The following ESRRG variants were observed in gnomAD, a reference collection of about 807,000 sequenced individuals.
ESRRG encodes estrogen related receptor gamma, also known as estrogen-related receptor gamma.
ESRRG carries 13 observed loss-of-function variants against 44.0 expected under a neutral mutation model. The ratio of observed to expected loss-of-function variants is 0.30; its 90% CI spans 0.19 to 0.47. The LOEUF (loss-of-function observed/expected upper bound fraction) is 0.47, where lower values mean the gene tolerates loss of function less well. Among genes scored for constraint, ESRRG ranks in the 20% least tolerant of loss-of-function variants. The pLI is 1.00. For synonymous variants in ESRRG, 215 were observed against 214.6 expected (o/e 1.00, Z -0.02); for missense variants, 395 against 580.6 (o/e 0.68, Z 3.29).
chr1:216,845,257 TG>T (rs2148916903), intron 2 of ESRRG, among the ~76,000 whole-genome samples: 1 of 152,296 alleles, frequency 6.6e-6, no homozygotes, highest in South Asian at 2.1e-4. Context: ...GCACTTGGCA[TG>T]TAGAAGGAGT....
intron 1 of ESRRG, among the ~76,000 whole-genome samples, chr1:217,061,074 A>C (rs1033300658): frequency 9.2e-5 from 14 of 151,916 alleles, no homozygotes; most frequent in Non-Finnish European, 1.3e-4. Flanking sequence ...TTTTCCCCCC[A>C]AAAAAAGTCT....
intron 1 of ESRRG, among the ~76,000 whole-genome samples, chr1:217,044,548 C>G (rs183662636): frequency 6.6e-6 from 1 of 152,270 alleles, no homozygotes; most frequent in Non-Finnish European, 1.5e-5. Context: ...CACCTTCACT[C>G]CCTATGCTGA....
intron 1 of ESRRG, among the ~76,000 whole-genome samples, chr1:216,705,206 T>C (rs1164408634): frequency 6.6e-6 from 1 of 152,164 alleles, no homozygotes; most frequent in Non-Finnish European, 1.5e-5. Flanking sequence ...TTTAAGACTT[T>C]CATTTAATAG....
chr1:216,850,757 G>GA, intron 2 of ESRRG, among the ~76,000 whole-genome samples: 1 of 151,784 alleles, frequency 6.6e-6, no homozygotes, highest in Admixed American at 6.6e-5. Flanking sequence ...TTTACAAAAT[G>GA]GAAATAAGAT....
rs1402725148 is a variant in ESRRG, at chr1:216,946,090, A to AT, written c.-105-6418dup. On this transcript the variant is annotated intron_variant, in intron 1 of 7. Transcript: ENST00000359162. The stretch of plus-strand genomic sequence containing the variant: ...AGAAACCTCAGTACCTAAGTCTGTC[A>AT]TTACCAGTTTTAGTACTTTCCAAAA... 3.9e-5 allele frequency among the ~76,000 whole-genome samples: 6 copies of AT among 152,352 alleles called. No homozygotes were observed. The South Asian group carries it at 1.0e-3, about 26-fold the overall frequency.
chr1:216,971,733 A>C (rs944061058), intron 1 of ESRRG, among the ~76,000 whole-genome samples: 2 of 152,214 alleles, frequency 1.3e-5, no homozygotes, highest in African/African-American at 4.8e-5. Flanking sequence ...AATGAGACTG[A>C]ACTAAATTGA....
intron 2 of ESRRG, among the ~76,000 whole-genome samples, chr1:216,743,244 T>C (rs922621592): frequency 6.6e-6 from 1 of 152,142 alleles, no homozygotes; most frequent in Admixed American, 6.5e-5. Flanking sequence ...AGAAAAGCCA[T>C]TGAGTAGAGA....
intron 5 of ESRRG, among the ~76,000 whole-genome samples, chr1:216,552,226 T>C (rs559528190): frequency 3.3e-5 from 5 of 152,000 alleles, no homozygotes; most frequent in African/African-American, 1.2e-4. Context: ...TAAAATGTGA[T>C]ATAATATAGG....
At chr1:216,805,925 C>A (rs915326391) in intron 2 of ESRRG, among the ~76,000 whole-genome samples, 5 of 152,228 alleles carry the variant, frequency 3.3e-5, no homozygotes, top group Admixed American at 2.6e-4. Flanking sequence ...GACTAGAAGG[C>A]TGTTATAACT....
chr1:216,763,167 A>G (rs1207730427), intron 2 of ESRRG, among the ~76,000 whole-genome samples: 1 of 152,090 alleles, frequency 6.6e-6, no homozygotes, highest in African/African-American at 2.4e-5. Context: ...CATTTCCTCA[A>G]TTCTACATTT....
At chr1:217,052,736 G>A (rs2086275202) in intron 1 of ESRRG, among the ~76,000 whole-genome samples, 1 of 152,084 alleles carries the variant, frequency 6.6e-6, no homozygotes, top group Non-Finnish European at 1.5e-5. Flanking sequence ...TTGGGGTGAG[G>A]GATAATGAGG....
chr1:216,767,477 G>C (rs975403197), intron 2 of ESRRG, among the ~76,000 whole-genome samples: 1 of 152,096 alleles, frequency 6.6e-6, no homozygotes, highest in African/African-American at 2.4e-5. Flanking sequence ...TGGATAACAA[G>C]ATACTGAGTT....
intron 2 of ESRRG, among the ~76,000 whole-genome samples, chr1:216,846,723 A>G (rs1039697227): frequency 2.6e-5 from 4 of 152,096 alleles, no homozygotes; most frequent in Non-Finnish European, 2.9e-5. Flanking sequence ...TTGATTTTTC[A>G]CAATAACAAA....
At chr1:216,714,681 C>T (rs1416797415) in intron 1 of ESRRG, 3 of 364,496 alleles carry the variant, frequency 8.2e-6, no homozygotes, top group African/African-American at 4.4e-5. Context: ...AGTTTTTAAC[C>T]TCTTATTATT....
At chr1:216,795,632 C>A (rs1199294080) in intron 2 of ESRRG, among the ~76,000 whole-genome samples, 1 of 151,956 alleles carries the variant, frequency 6.6e-6, no homozygotes, top group Non-Finnish European at 1.5e-5. Context: ...CACGCCACTG[C>A]ACCTGGCCTC....
chr1:216,837,175 C>G (rs1025007695), intron 2 of ESRRG, among the ~76,000 whole-genome samples: 1 of 151,574 alleles, frequency 6.6e-6, no homozygotes, highest in African/African-American at 2.4e-5. Flanking sequence ...TTTGGGAGGC[C>G]GAGGCGGGCA....
intron 1 of ESRRG, among the ~76,000 whole-genome samples, chr1:217,063,583 A>G (rs899316673): frequency 2.0e-5 from 3 of 152,196 alleles, no homozygotes; most frequent in Admixed American, 6.5e-5. Flanking sequence ...ACAGGCTCAA[A>G]GACAGACTCC....
chr1:216,976,341 C>A (rs926331088), intron 1 of ESRRG, among the ~76,000 whole-genome samples: 3 of 149,158 alleles, frequency 2.0e-5, no homozygotes, highest in South Asian at 2.1e-4. Context: ...AATGATTACT[C>A]CTCTTCCCTC....
intron 2 of ESRRG, among the ~76,000 whole-genome samples, chr1:216,927,830 T>C (rs1460481233): frequency 6.6e-6 from 1 of 152,220 alleles, no homozygotes; most frequent in African/African-American, 2.4e-5. Context: ...CTATTCTTAC[T>C]GGTGTACTTT....
Sources: gnomAD v4.1 joint callset for allele counts (sites outside exome capture counted in the v4.1 genomes callset) on GRCh38, gnomAD v4.1.1 for gene constraint, MANE v1.5 for transcripts, NCBI Gene and HGNC (gene_info 2026-07-23, HGNC 2026-07-21) for gene names.